CHST9: variants seen among roughly 807,000 people sequenced by gnomAD.
CHST9 encodes the protein carbohydrate sulfotransferase 9.
A neutral mutation model predicts 44.4 loss-of-function variants in CHST9; 41 were observed. The observed-to-expected ratio is 0.92, with a 90% CI of 0.72 to 1.20. CHST9 has a LOEUF of 1.20. Ranked by LOEUF, CHST9 falls within the 50% of genes most tolerant of loss-of-function variation. The pLI is 0.00. For synonymous variants in CHST9, 171 were observed against 178.4 expected, an observed-to-expected ratio of 0.96 and a Z score of 0.33; for missense variants, 504 against 516.5, an observed-to-expected ratio of 0.98 and a Z score of 0.23.
chr18:26,959,735 C>G (rs1484911584), intron 4 of CHST9, among the ~76,000 whole-genome samples: 1 of 152,112 alleles, frequency 6.6e-6, no homozygotes, highest in Non-Finnish European at 1.5e-5. Context: ...GTATGATGGG[C>G]CAGTATCACG....
At chr18:27,031,939 A>T (rs908371939) in intron 3 of CHST9, among the ~76,000 whole-genome samples, 1 of 152,200 alleles carries the variant, frequency 6.6e-6, no homozygotes, top group Non-Finnish European at 1.5e-5. Context: ...TATATACATG[A>T]ACTCATCTGC....
intron 3 of CHST9, among the ~76,000 whole-genome samples, chr18:27,047,567 C>A (rs1366997733): frequency 1.3e-5 from 2 of 152,080 alleles, no homozygotes; most frequent in Non-Finnish European, 2.9e-5. Context: ...GCTGTTTATA[C>A]ACTTTTAGAT....
At chr18:27,001,338 G>A (rs1367320270) in intron 4 of CHST9, among the ~76,000 whole-genome samples, 1 of 152,130 alleles carries the variant, frequency 6.6e-6, no homozygotes, top group Non-Finnish European at 1.5e-5. Flanking sequence ...CATGACCCTC[G>A]GCTGCTCACA....
intron 2 of CHST9, among the ~76,000 whole-genome samples, chr18:27,056,425 T>C (rs939247483): frequency 2.0e-5 from 3 of 152,290 alleles, no homozygotes; most frequent in Admixed American, 2.0e-4. Flanking sequence ...GACAATTTTG[T>C]AGAGTGGTGA....
chr18:27,135,086 G>A (rs562325901), intron 2 of CHST9, among the ~76,000 whole-genome samples: 2 of 152,152 alleles, frequency 1.3e-5, no homozygotes, highest in Non-Finnish European at 2.9e-5. Context: ...GTATGCATAT[G>A]TTAAGTGGCT....
At chr18:27,088,685 C>T (rs1205524474) in intron 2 of CHST9, among the ~76,000 whole-genome samples, 5 of 152,148 alleles carry the variant, frequency 3.3e-5, no homozygotes, top group Non-Finnish European at 7.3e-5. Context: ...AGCCACTGAG[C>T]CTGGCCTATT....
intron 2 of CHST9, among the ~76,000 whole-genome samples, chr18:27,065,507 T>C (rs1304817868): frequency 6.6e-6 from 1 of 151,816 alleles, no homozygotes; most frequent in Non-Finnish European, 1.5e-5. Context: ...GTGAGACTCC[T>C]GGTATAGTCC....
chr18:27,175,072 T>C (rs897512311), intron 1 of CHST9, among the ~76,000 whole-genome samples: 17 of 152,242 alleles, frequency 1.1e-4, no homozygotes, highest in Non-Finnish European at 2.5e-4. Flanking sequence ...ATCAGTATGA[T>C]ATAGGTCTTC....
chr18:26,925,581 A>G (rs907767491), intron 5 of CHST9, among the ~76,000 whole-genome samples: 4 of 152,232 alleles, frequency 2.6e-5, no homozygotes, highest in African/African-American at 9.6e-5. Context: ...ACAAGAGATA[A>G]TGGTCGTTAA....
At chr18:27,166,542 G>T (rs1598773926) in intron 1 of CHST9, among the ~76,000 whole-genome samples, 1 of 152,108 alleles carries the variant, frequency 6.6e-6, no homozygotes, top group East Asian at 1.9e-4. Context: ...TCCATCCCAA[G>T]GACAGTGCCT....
intron 4 of CHST9, among the ~76,000 whole-genome samples, chr18:27,006,740 G>T (rs377079670): frequency 6.6e-6 from 1 of 152,012 alleles, no homozygotes; most frequent in South Asian, 2.1e-4. Context: ...ATGTTATTTC[G>T]GTTCAACCTG....
At chr18:27,177,701 T>C (rs1441700357) in intron 1 of CHST9, among the ~76,000 whole-genome samples, 3 of 151,966 alleles carry the variant, frequency 2.0e-5, no homozygotes, top group Non-Finnish European at 4.4e-5. Context: ...TAGGGTAGCA[T>C]TGAAGTACTA....
chr18:27,129,089 A>G (rs1279997830), intron 2 of CHST9, among the ~76,000 whole-genome samples: 1 of 151,462 alleles, frequency 6.6e-6, no homozygotes, highest in Non-Finnish European at 1.5e-5. Flanking sequence ...GAGAAATAGT[A>G]GAGGAAAGTG....
chr18:26,985,998 A>G (rs537720041), intron 4 of CHST9, among the ~76,000 whole-genome samples: 1 of 152,346 alleles, frequency 6.6e-6, no homozygotes, highest in Admixed American at 6.5e-5. Flanking sequence ...GTATCCTGGT[A>G]TAAAGCCTGA....
chr18:27,024,582 G>T (rs1238009611), intron 3 of CHST9, among the ~76,000 whole-genome samples: 1 of 152,084 alleles, frequency 6.6e-6, no homozygotes, highest in Non-Finnish European at 1.5e-5. Context: ...GTGTAAAATT[G>T]AGTACTTGGG....
In CHST9 at chr18:27,039,909, T is replaced by A. The variant is rs187446815; in HGVS notation, c.160+8556A>T. ...CCAGAGAAAACAAGATAAAAGTTCA[T>A]TAAATAAAGTCAGGTTTTGAATGTA... On this transcript the variant is annotated intron_variant, in intron 3 of 5. Coordinates refer to ENST00000618847, the MANE Select transcript of CHST9 (RefSeq NM_031422.6). Among the ~76,000 whole-genome samples, 4 of 152,216 alleles carry A rather than the reference T, an allele frequency of 2.6e-5. No individual in the cohort carries two copies. In the East Asian group the frequency reaches 5.8e-4, roughly 22 times the overall value.
intron 1 of CHST9, among the ~76,000 whole-genome samples, chr18:27,174,387 G>C (rs1325871508): frequency 6.6e-6 from 1 of 151,834 alleles, no homozygotes; most frequent in African/African-American, 2.4e-5. Flanking sequence ...ATTTTTAGCA[G>C]AATACTTCAG....
chr18:27,143,865 CGGGTTGATA>C, intron 1 of CHST9, among the ~76,000 whole-genome samples: 1 of 152,026 alleles, frequency 6.6e-6, no homozygotes, highest in East Asian at 1.9e-4. Flanking sequence ...TCCTAGATGA[CGGGTTGATA>C]GGTGCAGCAA....
chr18:27,031,551 C>T (rs759848806), intron 3 of CHST9, among the ~76,000 whole-genome samples: 2 of 152,222 alleles, frequency 1.3e-5, no homozygotes, highest in Admixed American at 6.5e-5. Context: ...CTGGCTTCAG[C>T]ATCCATTTTC....
Sources: allele counts gnomAD v4.1 joint callset (sites outside exome capture counted in the v4.1 genomes callset), GRCh38; gene constraint gnomAD v4.1.1; transcripts MANE v1.5; gene names NCBI Gene and HGNC (gene_info 2026-07-23, HGNC 2026-07-21).